INPP5A: variants seen among roughly 807,000 people sequenced by gnomAD.
INPP5A encodes the protein 43 kDa inositol polyphosphate 5-phophatase.
In INPP5A, 14 loss-of-function variants were observed where a neutral mutation model predicts 65.2. That is an observed-to-expected ratio of 0.21 (90% CI 0.14 to 0.34). INPP5A has a LOEUF of 0.34. INPP5A is among the 10% of genes least tolerant of loss of function. INPP5A has a pLI of 1.00. For missense variants in INPP5A, 431 were observed against 545.6 expected (o/e 0.79, Z 2.09); for synonymous variants, 207 against 208.3 (o/e 0.99, Z 0.05).
At chr10:132,558,912 G>A (rs937246226) in intron 1 of INPP5A, among the ~76,000 whole-genome samples, 12 of 152,200 alleles carry the variant, frequency 7.9e-5, no homozygotes, top group South Asian at 2.1e-4. Flanking sequence ...GGGAGCTGCC[G>A]TTCCCTCCAC....
At chr10:132,565,156 G>C (rs900330876) in intron 1 of INPP5A, among the ~76,000 whole-genome samples, 6 of 152,028 alleles carry the variant, frequency 3.9e-5, no homozygotes, top group Admixed American at 2.6e-4. Context: ...TGTTGTCCAG[G>C]CTGGTGTGCA....
intron 2 of INPP5A, among the ~76,000 whole-genome samples, chr10:132,609,072 G>A (rs2071904351): frequency 6.6e-6 from 1 of 152,252 alleles, no homozygotes; most frequent in African/African-American, 2.4e-5. Context: ...AACGGCGTGT[G>A]TGTGCACGTG....
chr10:132,612,178 A>G (rs1162609635), intron 2 of INPP5A, among the ~76,000 whole-genome samples: 1 of 132,260 alleles, frequency 7.6e-6, no homozygotes, highest in Non-Finnish European at 1.6e-5. Flanking sequence ...CAGAGAGGGG[A>G]GAGGCGCTGT....
chr10:132,669,748 A>G (rs2072858339), intron 4 of INPP5A, among the ~76,000 whole-genome samples: 2 of 152,126 alleles, frequency 1.3e-5, no homozygotes, highest in South Asian at 2.1e-4. Context: ...TGCAGCTCCA[A>G]GTGAGATGTG....
chr10:132,544,209 C>A (rs2070939993), intron 1 of INPP5A, among the ~76,000 whole-genome samples: 1 of 152,264 alleles, frequency 6.6e-6, no homozygotes, highest in Non-Finnish European at 1.5e-5. Flanking sequence ...GGTGCCCACT[C>A]CCAGCGAGAA....
Position 132,644,126 on chromosome 10 carries a change from T to A in INPP5A, c.118-1742T>A, listed in dbSNP as rs2072461992. 6.6e-6 allele frequency among the ~76,000 whole-genome samples: 1 copy of A among 152,186 alleles called. No individual in the cohort carries two copies. The highest frequency in any genetic ancestry group is 1.9e-4 in the East Asian group (1 of 5,194). Reference sequence around the variant, plus strand: ...CACAGCCCAAAGGGACAGCTGGCCCTTGGGAACCACGTTGGGCCGTCTGTT... The same window carrying A: ...CACAGCCCAAAGGGACAGCTGGCCCATGGGAACCACGTTGGGCCGTCTGTT... On this transcript the variant is annotated intron_variant, in intron 2 of 15. Coordinates refer to ENST00000368594, the MANE Select transcript of INPP5A (RefSeq NM_005539.5). This position sits in a 1 kb window ranked among gnomAD's most constrained non-coding sequence, Gnocchi z 6.5.
intron 5 of INPP5A, among the ~76,000 whole-genome samples, chr10:132,693,177 T>G (rs1165734853): frequency 3.3e-5 from 5 of 152,080 alleles, no homozygotes; most frequent in Admixed American, 2.0e-4. Flanking sequence ...AATTGATGTG[T>G]TAAGAGAGGA....
At chr10:132,597,080 T>A (rs139386240) in intron 1 of INPP5A, among the ~76,000 whole-genome samples, 40 of 152,036 alleles carry the variant, frequency 2.6e-4, no homozygotes, top group African/African-American at 8.2e-4. Flanking sequence ...CGTGTGTGCG[T>A]GTGTGTATGT....
intron 11 of INPP5A, among the ~76,000 whole-genome samples, chr10:132,752,250 A>G (rs1392946798): frequency 6.6e-6 from 1 of 152,020 alleles, no homozygotes; most frequent in African/African-American, 2.4e-5. Flanking sequence ...GACCTTGCAC[A>G]GGGCATGAAA....
In INPP5A at chr10:132,537,894, C is replaced by T. The variant is rs1384338447; in HGVS notation, c.-203C>T. ...CGGCGGCGAGCGACGGGCGCGGGGC[C>T]GCGGAGCAGCGAGCGAGCGAGCGAG... On this transcript the variant is annotated 5_prime_UTR_variant, in exon 1 of 16. Transcript: ENST00000368594. 1 of 290,222 alleles carries T rather than the reference C, an allele frequency of 3.4e-6. No individual in the cohort carries two copies. Among genetic ancestry groups the T allele is most frequent in the Non-Finnish European group, 6.3e-6 (1 of 157,704 alleles). The allele number at this position is 290,222 out of a possible 1,614,324, so 18.0% of individuals were successfully genotyped here.
intron 2 of INPP5A, among the ~76,000 whole-genome samples, chr10:132,619,125 T>C (rs2072079446): frequency 6.6e-6 from 1 of 152,218 alleles, no homozygotes; most frequent in Admixed American, 6.5e-5. Context: ...TGATGACTTC[T>C]CTGAGACAAG....
At position 132,555,967 on chromosome 10, in the gene INPP5A, G is replaced by T. The variant is rs944988073; in HGVS notation, c.75+17796G>T. 6.6e-6 allele frequency among the ~76,000 whole-genome samples: 1 copy of T among 151,826 alleles called. No individual in the cohort carries two copies. Among genetic ancestry groups the T allele is most frequent in the African/African-American group, 2.4e-5 (1 of 41,316 alleles). ...CTCAGCGCTTGGTGCTTTTGATGGA[G>T]AAAATTCAGTTCCAGACTTGGGTGG... On this transcript the variant is annotated intron_variant, in intron 1 of 15. Coordinates refer to ENST00000368594, the MANE Select transcript of INPP5A (RefSeq NM_005539.5). The surrounding 1 kb of genome is among the most constrained non-coding windows in gnomAD (Gnocchi z 4.4).
In INPP5A at chr10:132,607,878, G is replaced by A. The variant is rs533055505; in HGVS notation, c.76-37G>A. ...TGGCTCTGTTTAGGGCTGTGCCATT[G>A]GTCTGACTGGCTTTTCTTTTTCTTC... On this transcript the variant is annotated intron_variant, in intron 1 of 15. Coordinates refer to ENST00000368594, the MANE Select transcript of INPP5A (RefSeq NM_005539.5). The A allele has an allele frequency of 1.2e-5, 19 of 1,595,722 alleles. No individual in the cohort carries two copies. The East Asian group carries it at 2.9e-4, about 24-fold the overall frequency.
chr10:132,690,536 C>A, intron 5 of INPP5A, 81 bp downstream of exon 5: 1 of 1,061,236 alleles, frequency 9.4e-7, no homozygotes, highest in Non-Finnish European at 1.4e-6. Context: ...CCTCTCCTGC[C>A]CTGTCTCTGT....
intron 2 of INPP5A, among the ~76,000 whole-genome samples, chr10:132,625,256 C>A (rs2072167725): frequency 1.3e-5 from 2 of 151,098 alleles, no homozygotes; most frequent in African/African-American, 4.9e-5. Flanking sequence ...GTGGCTCAAC[C>A]CAAGGCTTTC....
chr10:132,715,358 C>T (rs1182122251), intron 8 of INPP5A, among the ~76,000 whole-genome samples: 1 of 152,198 alleles, frequency 6.6e-6, no homozygotes, highest in East Asian at 1.9e-4. Flanking sequence ...AAATACAGTC[C>T]ATTGTCATGG....
chr10:132,603,100 C>T lies in INPP5A; in HGVS notation c.76-4815C>T, dbSNP rs1035777046. ...TATTGCTTGTCAATTAATGCCTCTTCCCTCAACAGTGTGAAATGCCTCAAT... is the reference window on the plus strand; with the variant it reads ...TATTGCTTGTCAATTAATGCCTCTTTCCTCAACAGTGTGAAATGCCTCAAT... On this transcript the variant is annotated intron_variant, in intron 1 of 15. Coordinates refer to ENST00000368594, the MANE Select transcript of INPP5A (RefSeq NM_005539.5). This position sits in a 1 kb window ranked among gnomAD's most constrained non-coding sequence, Gnocchi z 4.2. 6.6e-6 allele frequency among the ~76,000 whole-genome samples: 1 copy of T among 152,146 alleles called. No homozygotes were observed. Among genetic ancestry groups the T allele is most frequent in the Admixed American group, 6.5e-5 (1 of 15,270 alleles).
intron 8 of INPP5A, among the ~76,000 whole-genome samples, chr10:132,710,681 G>A (rs1845620297): frequency 6.6e-6 from 1 of 151,282 alleles, no homozygotes; most frequent in Admixed American, 6.6e-5. Flanking sequence ...CGGTGTGGAT[G>A]GAGAGGTAGG....
chr10:132,599,048 A>G (rs988298325), intron 1 of INPP5A, among the ~76,000 whole-genome samples: 2 of 152,200 alleles, frequency 1.3e-5, no homozygotes, highest in African/African-American at 4.8e-5. Context: ...GGGTGGGGAC[A>G]CAGCCAAACC....
Sources: gnomAD v4.1 joint callset for allele counts (sites outside exome capture counted in the v4.1 genomes callset) on GRCh38, gnomAD v4.1.1 for gene constraint, Gnocchi (gnomAD v3.1) non-coding constraint, MANE v1.5 for transcripts, NCBI Gene and HGNC (gene_info 2026-07-23, HGNC 2026-07-21) for gene names.